The following DEPTOR variants were observed in gnomAD, a reference collection of about 807,000 sequenced individuals.
The protein encoded by DEPTOR is DEP domain-containing mTOR-interacting protein.
DEPTOR carries 41 observed loss-of-function variants against 41.6 expected under a neutral mutation model. The observed-to-expected ratio is 0.98, with a 90% CI of 0.77 to 1.28. DEPTOR has a LOEUF of 1.28. DEPTOR is among the 50% of genes most tolerant of loss of function. The pLI is 0.00. For missense variants in DEPTOR, 514 were observed against 527.9 expected (o/e 0.97, Z 0.26); for synonymous variants, 195 against 192.3 (o/e 1.01, Z -0.12).
At chr8:120,002,850 G>A (rs1235266713) in intron 5 of DEPTOR, 127 bp from the exon 6 acceptor site, 1 of 916,596 alleles carries the variant, frequency 1.1e-6, no homozygotes, top group African/African-American at 1.8e-5. Context: ...TCAAGTTCTT[G>A]TTTTTCTGCC....
chr8:119,951,527 T>TA (rs1001711163), intron 3 of DEPTOR, among the ~76,000 whole-genome samples: 1 of 152,206 alleles, frequency 6.6e-6, no homozygotes, highest in African/African-American at 2.4e-5. Flanking sequence ...ATGTGAAAAT[T>TA]ACAACTTTCC....
chr8:120,005,895 G>T (rs902434477), intron 6 of DEPTOR, among the ~76,000 whole-genome samples: 1 of 152,118 alleles, frequency 6.6e-6, no homozygotes, highest in African/African-American at 2.4e-5. Context: ...TGAGCTTCTA[G>T]ACCCTTTCTT....
intron 4 of DEPTOR, among the ~76,000 whole-genome samples, chr8:119,980,421 G>A (rs998143205): frequency 9.6e-5 from 14 of 146,474 alleles, no homozygotes; most frequent in Non-Finnish European, 1.8e-4. Context: ...AGGGCAGCAT[G>A]GTGTCCTGAC....
intron 1 of DEPTOR, among the ~76,000 whole-genome samples, chr8:119,899,139 C>G (rs1827556159): frequency 6.6e-6 from 1 of 152,140 alleles, no homozygotes; most frequent in Non-Finnish European, 1.5e-5. Flanking sequence ...TCAGCTTTTC[C>G]CTATCCTGTA....
chr8:119,880,153 A>T, intron 1 of DEPTOR, among the ~76,000 whole-genome samples: 1 of 143,302 alleles, frequency 7.0e-6, no homozygotes, highest in South Asian at 2.1e-4. Context: ...AAATAAAATA[A>T]AATAAAATAA....
intron 8 of DEPTOR, among the ~76,000 whole-genome samples, chr8:120,012,111 A>G (rs1812539692): frequency 6.6e-6 from 1 of 152,246 alleles, no homozygotes; most frequent in Non-Finnish European, 1.5e-5. Context: ...ATAACATTTT[A>G]TCATTTAAGA....
chr8:119,999,081 T>C (rs1812310478), intron 4 of DEPTOR, among the ~76,000 whole-genome samples: 1 of 151,680 alleles, frequency 6.6e-6, no homozygotes, highest in African/African-American at 2.4e-5. Flanking sequence ...CTGGCCAACA[T>C]GGAGAAACCC....
chr8:120,011,398 C>T (rs924244229), intron 8 of DEPTOR, among the ~76,000 whole-genome samples: 4 of 152,316 alleles, frequency 2.6e-5, no homozygotes, highest in Admixed American at 1.3e-4. Flanking sequence ...ACCAAAGCAA[C>T]TCAGAGTAGG....
intron 3 of DEPTOR, among the ~76,000 whole-genome samples, chr8:119,934,743 C>T (rs539274086): frequency 6.6e-6 from 1 of 152,316 alleles, no homozygotes; most frequent in African/African-American, 2.4e-5. Flanking sequence ...TTTTAAGATG[C>T]AGCTTTGCAT....
chr8:119,993,003 AT>A (rs1284754326), intron 4 of DEPTOR, among the ~76,000 whole-genome samples: 2 of 152,130 alleles, frequency 1.3e-5, no homozygotes, highest in Non-Finnish European at 1.5e-5. Context: ...AAGATGATAC[AT>A]TTTTATATTC....
chr8:120,034,443 C>CTT (rs148465030), intron 8 of DEPTOR, among the ~76,000 whole-genome samples: 46 of 91,554 alleles, frequency 5.0e-4, no homozygotes, highest in East Asian at 9.8e-4. Flanking sequence ...TTTCCTTTTT[C>CTT]TTTTTTTTTT....
In DEPTOR at chr8:119,948,232, G is replaced by C. The variant is rs532400257; in HGVS notation, c.426-17000G>C. ...ACGTCTTTTCATTTATGCATATCCT[G>C]GGAGACAGATGATGCTCAATAGATA... On this transcript the variant is annotated intron_variant, in intron 3 of 8. Transcript: ENST00000286234. Among the ~76,000 whole-genome samples the C allele has an allele frequency of 5.3e-4, 81 of 152,180 alleles. No individual in the cohort carries two copies. In the South Asian group the frequency reaches 7.1e-3, roughly 13 times the overall value.
chr8:119,948,607 A>G (rs1415718695), intron 3 of DEPTOR, among the ~76,000 whole-genome samples: 2 of 152,032 alleles, frequency 1.3e-5, no homozygotes, highest in East Asian at 3.9e-4. Context: ...TGTTTATAGT[A>G]TAATCACAGA....
intron 8 of DEPTOR, among the ~76,000 whole-genome samples, chr8:120,012,022 TTTACAAA>T (rs1218277705): frequency 2.6e-5 from 4 of 152,122 alleles, no homozygotes; most frequent in African/African-American, 7.2e-5. Flanking sequence ...CTCTTAGAAA[TTTACAAA>T]GCACATTAGC....
At chr8:119,991,719 A>G (rs1054430069) in intron 4 of DEPTOR, among the ~76,000 whole-genome samples, 6 of 152,216 alleles carry the variant, frequency 3.9e-5, no homozygotes, top group African/African-American at 1.4e-4. Context: ...GCATAAGTGT[A>G]CTAAGGTTAA....
intron 4 of DEPTOR, among the ~76,000 whole-genome samples, chr8:119,969,150 T>G (rs1828601126): frequency 6.6e-6 from 1 of 151,972 alleles, no homozygotes; most frequent in South Asian, 2.1e-4. Flanking sequence ...CCTCTTATAC[T>G]ATGATGTACT....
intron 8 of DEPTOR, among the ~76,000 whole-genome samples, chr8:120,021,637 CAT>C (rs1390259901): frequency 1.3e-5 from 2 of 152,140 alleles, no homozygotes; most frequent in African/African-American, 4.8e-5. Context: ...TATGTAATCA[CAT>C]GTTTCTGCCA....
intron 3 of DEPTOR, among the ~76,000 whole-genome samples, chr8:119,943,938 C>T (rs906255640): frequency 1.1e-4 from 17 of 152,132 alleles, no homozygotes; most frequent in Middle Eastern, 3.4e-3. Flanking sequence ...CCCGGGTTCA[C>T]GCCATTCTCC....
At chr8:120,045,110 G>T (rs2130211060) in intron 8 of DEPTOR, among the ~76,000 whole-genome samples, 1 of 152,282 alleles carries the variant, frequency 6.6e-6, no homozygotes, top group Non-Finnish European at 1.5e-5. Context: ...TCAGGTGGCA[G>T]CACAAGTAAG....
Sources: gnomAD v4.1 joint callset for allele counts (sites outside exome capture counted in the v4.1 genomes callset) on GRCh38, gnomAD v4.1.1 for gene constraint, MANE v1.5 for transcripts, NCBI Gene and HGNC (gene_info 2026-07-23, HGNC 2026-07-21) for gene names.